The following MED12L variants were observed in gnomAD, a reference collection of about 807,000 sequenced individuals.
MED12L encodes the protein mediator of RNA polymerase II transcription subunit 12-like protein.
A neutral mutation model predicts 281.3 loss-of-function variants in MED12L; 60 were observed. The observed-to-expected ratio is 0.21, with a 90% CI of 0.17 to 0.26. MED12L has a LOEUF of 0.26. MED12L is among the 10% of genes least tolerant of loss of function. MED12L has a pLI of 1.00. For missense variants in MED12L, 2,146 were observed against 2,680.9 expected, an observed-to-expected ratio of 0.80 and a Z score of 4.41; for synonymous variants, 974 against 987.2, an observed-to-expected ratio of 0.99 and a Z score of 0.25.
chr3:151,113,959 C>G (rs115478191), intron 2 of MED12L, among the ~76,000 whole-genome samples: 473 of 152,288 alleles, frequency 3.1e-3, no homozygotes, highest in Admixed American at 4.4e-3. Context: ...TTAGTAAAAA[C>G]ATATGCTGTT....
chr3:151,211,555 G>A (rs1450743467), intron 16 of MED12L, among the ~76,000 whole-genome samples: 1 of 151,722 alleles, frequency 6.6e-6, no homozygotes, highest in Non-Finnish European at 1.5e-5. Flanking sequence ...TAGATACTGA[G>A]GGAAAAAAAA....
chr3:151,091,266 G>C (rs1165370356), intron 2 of MED12L, among the ~76,000 whole-genome samples: 1 of 152,162 alleles, frequency 6.6e-6, no homozygotes, highest in Non-Finnish European at 1.5e-5. Flanking sequence ...CATGACTTAG[G>C]AGAGCTGGTG....
chr3:151,431,141 C>T (rs182201236), intron 44 of MED12L, among the ~76,000 whole-genome samples: 5 of 152,246 alleles, frequency 3.3e-5, no homozygotes, highest in South Asian at 2.1e-4. Flanking sequence ...AGTCAGAAGA[C>T]GTAAATTTTG....
At chr3:151,180,783 A>T (rs1722610299) in intron 11 of MED12L, among the ~76,000 whole-genome samples, 1 of 152,214 alleles carries the variant, frequency 6.6e-6, no homozygotes, top group Admixed American at 6.5e-5. Flanking sequence ...TCAAGGACCC[A>T]ACTCTTCTGC....
chr3:151,119,971 C>T (rs1713480037), intron 3 of MED12L, among the ~76,000 whole-genome samples: 1 of 151,514 alleles, frequency 6.6e-6, no homozygotes. Flanking sequence ...GTAATCCCAG[C>T]ACTTTGGGGG....
intron 16 of MED12L, among the ~76,000 whole-genome samples, chr3:151,216,255 A>G (rs1728198167): frequency 6.6e-6 from 1 of 152,212 alleles, no homozygotes; most frequent in South Asian, 2.1e-4. Context: ...TGCTCTTAAG[A>G]TTTATTCAGG....
At chr3:151,161,853 A>G (rs1304663419) in intron 8 of MED12L, among the ~76,000 whole-genome samples, 1 of 152,230 alleles carries the variant, frequency 6.6e-6, no homozygotes, top group East Asian at 1.9e-4. Flanking sequence ...GGCAATGTGT[A>G]GAGTATTGGA....
intron 16 of MED12L, among the ~76,000 whole-genome samples, chr3:151,282,439 G>A (rs1193983272): frequency 6.6e-6 from 1 of 151,828 alleles, no homozygotes; most frequent in Non-Finnish European, 1.5e-5. Flanking sequence ...TGGGGGGCAT[G>A]GCTGCCGAAA....
chr3:151,431,621 C>T (rs528252180), intron 44 of MED12L, among the ~76,000 whole-genome samples: 2 of 152,224 alleles, frequency 1.3e-5, no homozygotes, highest in African/African-American at 4.8e-5. Context: ...ATTCCAGAAT[C>T]CTTATTCTTA....
intron 16 of MED12L, chr3:151,338,970 C>T: frequency 1.1e-6 from 1 of 899,020 alleles, no homozygotes; most frequent in Non-Finnish European, 1.8e-6. Context: ...TGAGGTTTCT[C>T]ATCTTCATTG....
At chr3:151,430,181 C>T in intron 43 of MED12L, 118 bp from the exon 44 acceptor site, 1 of 1,445,972 alleles carries the variant, frequency 6.9e-7, no homozygotes, top group Non-Finnish European at 9.4e-7. Flanking sequence ...TGTCATAGCC[C>T]TTTTTTCGTG....
chr3:151,230,089 C>T (rs1577045210), intron 16 of MED12L, among the ~76,000 whole-genome samples: 1 of 152,276 alleles, frequency 6.6e-6, no homozygotes, highest in Non-Finnish European at 1.5e-5. Flanking sequence ...CCCGCCTCTG[C>T]CTCCCAAGTA....
At chr3:151,199,437 A>G in intron 16 of MED12L, 1 of 1,493,412 alleles carries the variant, frequency 6.7e-7, no homozygotes, top group Non-Finnish European at 9.0e-7. Context: ...AATTTCTAAG[A>G]CTCTGTAAAA....
chr3:151,214,421 T>C, intron 16 of MED12L: 1 of 965,740 alleles, frequency 1.0e-6, no homozygotes, highest in Non-Finnish European at 1.5e-6. Context: ...CAAAGGGCAA[T>C]GAATATAGTC....
At position 151,435,966 on chromosome 3, in the gene MED12L, T is replaced by G. The variant is rs1251491495; in HGVS notation, c.*3162T>G. ...CCAAACCAGGGGTGCCTGAGCTAGA[T>G]TTTAAAGTTATAAAGAAGTTTCATT... is the stretch of plus-strand genomic sequence containing the variant. On this transcript the variant is annotated 3_prime_UTR_variant, in exon 45 of 45. Coordinates refer to ENST00000687756, the MANE Select transcript of MED12L (RefSeq NM_001393769.1). The G allele has an allele frequency of 6.6e-6, 1 of 152,196 alleles. No homozygotes were observed. The allele number at this position is 152,196 out of a possible 1,614,324, so 9.4% of individuals were successfully genotyped here.
At chr3:151,384,746 CT>C in intron 35 of MED12L, 2 of 319,164 alleles carry the variant, frequency 6.3e-6, no homozygotes, top group South Asian at 8.4e-5. Context: ...CTCCTGTCTT[CT>C]GATTGTGATC....
At chr3:151,126,015 C>G (rs1281352726) in intron 4 of MED12L, among the ~76,000 whole-genome samples, 1 of 151,594 alleles carries the variant, frequency 6.6e-6, no homozygotes, top group Admixed American at 6.6e-5. Context: ...CTTCAATTGC[C>G]CATAAAATAT....
Position 151,299,652 on chromosome 3 carries a change from G to A in MED12L, c.2251-50407G>A, listed in dbSNP as rs138645920. On this transcript the variant is annotated intron_variant, in intron 16 of 44. Transcript: ENST00000687756. ...CGCCACCACACCTGGCTAATTTTTT[G>A]TATTTAGGTATGATCATTTTCCAAA... 2.7e-3 allele frequency among the ~76,000 whole-genome samples: 410 copies of A among 151,586 alleles called. 1 individual carries two copies. Among genetic ancestry groups the A allele is most frequent in the African/African-American group, 9.4e-3 (389 of 41,308 alleles).
chr3:151,114,260 T>C (rs1712377571), intron 2 of MED12L, among the ~76,000 whole-genome samples: 3 of 152,212 alleles, frequency 2.0e-5, no homozygotes. Flanking sequence ...GATCACGATT[T>C]CAGTGACCTA....
Sources: gnomAD v4.1 joint callset for allele counts (sites outside exome capture counted in the v4.1 genomes callset) on GRCh38, gnomAD v4.1.1 for gene constraint, MANE v1.5 for transcripts, NCBI Gene and HGNC (gene_info 2026-07-23, HGNC 2026-07-21) for gene names.